EYS: variants seen among roughly 807,000 people sequenced by gnomAD.
EYS encodes the protein EGF-like photoreceptor maintenance factor.
In EYS, 250 loss-of-function variants were observed where a neutral mutation model predicts 282.1. The ratio of observed to expected loss-of-function variants is 0.89; its 90% CI spans 0.80 to 0.98. The LOEUF (loss-of-function observed/expected upper bound fraction) is 0.98, where lower values mean the gene tolerates loss of function less well. EYS is among the 50% of genes least tolerant of loss of function. The pLI is 0.00. For missense variants in EYS, 4,016 were observed against 3,709.0 expected (o/e 1.08, Z -2.15); for synonymous variants, 1,355 against 1,282.9 (o/e 1.06, Z -1.20).
At chr6:65,246,034 G>C (rs1485146710) in intron 12 of EYS, among the ~76,000 whole-genome samples, 2 of 151,970 alleles carry the variant, frequency 1.3e-5, no homozygotes, top group Non-Finnish European at 2.9e-5. Flanking sequence ...TAGTACAGTA[G>C]ACAGGAAGGG....
intron 2 of EYS, among the ~76,000 whole-genome samples, chr6:65,522,026 C>CA (rs1296591952): frequency 6.6e-6 from 1 of 152,008 alleles, no homozygotes; most frequent in East Asian, 1.9e-4. Context: ...TCTCTTCTTA[C>CA]AAAAAATCAC....
chr6:65,272,373 G>A (rs999569088), intron 12 of EYS, among the ~76,000 whole-genome samples: 6 of 152,078 alleles, frequency 3.9e-5, no homozygotes, highest in Admixed American at 2.0e-4. Context: ...AGCAGGAACC[G>A]AAGGGGCTCA....
intron 41 of EYS, among the ~76,000 whole-genome samples, chr6:63,748,568 CTCT>C (rs1261557824): frequency 6.6e-6 from 1 of 152,096 alleles, no homozygotes; most frequent in African/African-American, 2.4e-5. Context: ...ACGGTATCAG[CTCT>C]TCTTTGTACA....
chr6:65,094,121 A>G (rs560078753), intron 12 of EYS, among the ~76,000 whole-genome samples: 1 of 151,622 alleles, frequency 6.6e-6, no homozygotes, highest in Non-Finnish European at 1.5e-5. Flanking sequence ...CACAGGAAAC[A>G]AAGAAGATTA....
intron 34 of EYS, among the ~76,000 whole-genome samples, chr6:63,990,541 A>T (rs1233553596): frequency 6.6e-6 from 1 of 151,686 alleles, no homozygotes; most frequent in Non-Finnish European, 1.5e-5. Context: ...GTCTTTTCTG[A>T]TCCAGGAAAG....
intron 15 of EYS, among the ~76,000 whole-genome samples, chr6:64,936,317 A>G (rs992096988): frequency 6.6e-6 from 1 of 151,530 alleles, no homozygotes; most frequent in African/African-American, 2.4e-5. Flanking sequence ...AAAGTGTCCC[A>G]TGAAAAATCT....
chr6:65,083,012 A>G (rs1163157152), intron 12 of EYS, among the ~76,000 whole-genome samples: 4 of 152,014 alleles, frequency 2.6e-5, no homozygotes, highest in Admixed American at 6.6e-5. Flanking sequence ...TTTCAAGACT[A>G]CAAGTGGAGA....
At chr6:65,381,718 T>C (rs1765616858) in intron 8 of EYS, among the ~76,000 whole-genome samples, 1 of 152,068 alleles carries the variant, frequency 6.6e-6, no homozygotes. Context: ...AAAGATTATC[T>C]ATACAATATA....
chr6:64,092,538 C>G (rs1004808777), intron 31 of EYS, among the ~76,000 whole-genome samples: 4 of 152,176 alleles, frequency 2.6e-5, no homozygotes, highest in Non-Finnish European at 5.9e-5. Flanking sequence ...CTTTTGGCTG[C>G]ATAAATGTCT....
Position 64,912,608 on chromosome 6 carries a change from G to T in EYS, c.2517C>A (p.Pro839=), listed in dbSNP as rs1359464004. ...IPGQFVCLCP[P]LYTGQFCHQR... ...GGTGGCAAAATTGTCCAGTATAAAGGGGTGGGCACAGACATACAAATTGTC... is the reference window on the plus strand; with the variant it reads ...GGTGGCAAAATTGTCCAGTATAAAGTGGTGGGCACAGACATACAAATTGTC... Residue 839 remains proline, a synonymous_variant, in exon 16 of 43, where the codon CCC becomes CCA. Coordinates refer to ENST00000503581, the MANE Select transcript of EYS (RefSeq NM_001142800.2). 5.8e-6 allele frequency: 9 copies of T among 1,551,222 alleles called. No homozygotes were observed. Among genetic ancestry groups the T allele is most frequent in the South Asian group, 2.4e-5 (2 of 84,028 alleles).
At chr6:64,543,270 A>C (rs73767334) in intron 26 of EYS, among the ~76,000 whole-genome samples, 2,306 of 152,290 alleles carry the variant, frequency 0.015, 51 homozygotes, top group African/African-American at 0.052. Context: ...AGATTAGAAA[A>C]GAATCATGAA....
At chr6:63,738,244 C>T (rs772661632) in intron 41 of EYS, among the ~76,000 whole-genome samples, 2 of 152,038 alleles carry the variant, frequency 1.3e-5, no homozygotes, top group Non-Finnish European at 2.9e-5. Flanking sequence ...TGGGTATATA[C>T]CCAAAGGACT....
chr6:64,947,114 C>A (rs1018894942), intron 14 of EYS, among the ~76,000 whole-genome samples: 3 of 151,734 alleles, frequency 2.0e-5, no homozygotes, highest in Non-Finnish European at 2.9e-5. Context: ...ATCTCAACAT[C>A]CTGTACAGAT....
intron 26 of EYS, among the ~76,000 whole-genome samples, chr6:64,507,294 C>T (rs1016035188): frequency 6.6e-6 from 1 of 151,876 alleles, no homozygotes; most frequent in Admixed American, 6.6e-5. Flanking sequence ...CAAACTATTG[C>T]AAGGATATAA....
intron 15 of EYS, among the ~76,000 whole-genome samples, chr6:64,927,014 G>T (rs1225294705): frequency 2.0e-5 from 3 of 152,144 alleles, no homozygotes; most frequent in Non-Finnish European, 2.9e-5. Context: ...GAATCTTTTA[G>T]TATAGGACAT....
intron 22 of EYS, among the ~76,000 whole-genome samples, chr6:64,716,352 T>A (rs910472239): frequency 1.3e-5 from 2 of 152,216 alleles, no homozygotes; most frequent in African/African-American, 4.8e-5. Context: ...CGATATTGGT[T>A]GGCAACAAAA....
chr6:64,078,043 C>T (rs1771832931), intron 32 of EYS, among the ~76,000 whole-genome samples: 2 of 151,944 alleles, frequency 1.3e-5, no homozygotes, highest in Non-Finnish European at 2.9e-5. Context: ...TTTTCAACAT[C>T]AATTAGTTGG....
At chr6:65,536,158 TACG>T (rs1767957154) in intron 2 of EYS, among the ~76,000 whole-genome samples, 1 of 152,002 alleles carries the variant, frequency 6.6e-6, no homozygotes, top group African/African-American at 2.4e-5. Context: ...TTGAGAATCA[TACG>T]ACTATAGAAG....
chr6:65,311,219 T>G (rs1769150392), intron 11 of EYS, among the ~76,000 whole-genome samples: 1 of 151,962 alleles, frequency 6.6e-6, no homozygotes, highest in Admixed American at 6.6e-5. Context: ...ACTAAAAGGG[T>G]TGGATGGTAA....
Sources: allele counts gnomAD v4.1 joint callset (sites outside exome capture counted in the v4.1 genomes callset), GRCh38; gene constraint gnomAD v4.1.1; transcripts MANE v1.5; gene names NCBI Gene and HGNC (gene_info 2026-07-23, HGNC 2026-07-21).